Variants in NDUFAF2 observed in about 807,000 individuals in gnomAD.
NDUFAF2 encodes NADH:ubiquinone oxidoreductase complex assembly factor 2.
A neutral mutation model predicts 22.8 loss-of-function variants in NDUFAF2; 13 were observed. The observed-to-expected ratio is 0.57, with a 90% CI of 0.37 to 0.91. The LOEUF is 0.91. Among genes scored for constraint, NDUFAF2 ranks in the 40% least tolerant of loss-of-function variants. The probability of loss-of-function intolerance (pLI) is 0.01; values close to 1 mark genes in which losing one functional copy is unlikely to be tolerated. For synonymous variants in NDUFAF2, 53 were observed against 64.2 expected (o/e 0.83, Z 0.84); for missense variants, 162 against 195.2 (o/e 0.83, Z 1.01).
chr5:61,131,390 T>C (rs990789358), intron 3 of NDUFAF2, among the ~76,000 whole-genome samples: 1 of 152,036 alleles, frequency 6.6e-6, no homozygotes, highest in African/African-American at 2.4e-5. Flanking sequence ...TTATGTTTGT[T>C]GTAGAGACAG....
At chr5:61,027,288 T>C (rs1423811252) in intron 1 of NDUFAF2, among the ~76,000 whole-genome samples, 1 of 149,334 alleles carries the variant, frequency 6.7e-6, no homozygotes, top group Admixed American at 6.8e-5. Flanking sequence ...GCTTAAAAGG[T>C]ACACGTGGAC....
intron 1 of NDUFAF2, among the ~76,000 whole-genome samples, chr5:61,023,449 A>G (rs1030358530): frequency 6.6e-6 from 1 of 151,968 alleles, no homozygotes; most frequent in East Asian, 1.9e-4. Flanking sequence ...TCTCCTCGTG[A>G]TGGTTTCTTC....
intron 2 of NDUFAF2, among the ~76,000 whole-genome samples, chr5:61,086,503 T>A (rs1025898870): frequency 6.6e-6 from 1 of 152,182 alleles, no homozygotes; most frequent in Non-Finnish European, 1.5e-5. Context: ...CACACTTATA[T>A]GGTCAATTGA....
At chr5:61,040,286 A>ACGCGCGCGCGCGCGCGCGCG (rs1323303366) in intron 1 of NDUFAF2, among the ~76,000 whole-genome samples, 4 of 93,092 alleles carry the variant, frequency 4.3e-5, no homozygotes, top group African/African-American at 1.7e-4. Context: ...ACACACACAC[A>ACGCGCGCGCGCGCGCGCGCG]CGCGCGCGCG....
chr5:61,045,761 T>C (rs1751946520), intron 1 of NDUFAF2, among the ~76,000 whole-genome samples: 1 of 152,178 alleles, frequency 6.6e-6, no homozygotes, highest in African/African-American at 2.4e-5. Flanking sequence ...GACCTTGTCA[T>C]CTGTAGAGAC....
chr5:61,003,101 T>C (rs1476927608), intron 1 of NDUFAF2, among the ~76,000 whole-genome samples: 1 of 152,170 alleles, frequency 6.6e-6, no homozygotes, highest in Non-Finnish European at 1.5e-5. Context: ...AATATACTTG[T>C]TAGCATGCTA....
At chr5:60,985,382 G>A (rs905392181) in intron 1 of NDUFAF2, among the ~76,000 whole-genome samples, 1 of 151,870 alleles carries the variant, frequency 6.6e-6, no homozygotes, top group Non-Finnish European at 1.5e-5. Context: ...GCTTTTTTGT[G>A]TCTCTATCTC....
chr5:61,036,791 C>G (rs933513314), intron 1 of NDUFAF2, among the ~76,000 whole-genome samples: 1 of 152,148 alleles, frequency 6.6e-6, no homozygotes. Context: ...TTTGACCTTG[C>G]AAGAAGAGAG....
At chr5:61,139,937 G>A (rs1579851321) in intron 3 of NDUFAF2, among the ~76,000 whole-genome samples, 1 of 152,302 alleles carries the variant, frequency 6.6e-6, no homozygotes, top group East Asian at 1.9e-4. Context: ...TTTCGGATAG[G>A]GGGACCACCC....
At chr5:61,082,319 A>C (rs1330986195) in intron 2 of NDUFAF2, among the ~76,000 whole-genome samples, 1 of 152,110 alleles carries the variant, frequency 6.6e-6, no homozygotes, top group African/African-American at 2.4e-5. Context: ...GCTGGTCTCA[A>C]ACTCCTGGCC....
At chr5:60,980,390 C>T (rs551297013) in intron 1 of NDUFAF2, among the ~76,000 whole-genome samples, 13 of 152,204 alleles carry the variant, frequency 8.5e-5, no homozygotes, top group Non-Finnish European at 1.3e-4. Flanking sequence ...TGAGAAAACC[C>T]AAAGACATGA....
chr5:60,959,098 A>G (rs967395086), intron 1 of NDUFAF2, among the ~76,000 whole-genome samples: 1 of 152,104 alleles, frequency 6.6e-6, no homozygotes, highest in African/African-American at 2.4e-5. Flanking sequence ...ATGAATTAGT[A>G]TGCAGTTAAG....
intron 1 of NDUFAF2, among the ~76,000 whole-genome samples, chr5:60,968,763 A>T (rs1023456651): frequency 6.6e-6 from 1 of 151,990 alleles, no homozygotes; most frequent in Non-Finnish European, 1.5e-5. Flanking sequence ...TATTTTTGAC[A>T]ATTGTCACCC....
At chr5:60,951,227 C>T (rs769160450) in intron 1 of NDUFAF2, among the ~76,000 whole-genome samples, 16 of 152,184 alleles carry the variant, frequency 1.1e-4, no homozygotes, top group South Asian at 4.2e-4. Flanking sequence ...GACAGGGTTT[C>T]GCCATATTGG....
intron 3 of NDUFAF2, chr5:61,116,181 T>C (rs1452068650): frequency 6.6e-6 from 1 of 152,168 alleles, no homozygotes; most frequent in Non-Finnish European, 1.5e-5. Flanking sequence ...CTTATTAGGT[T>C]ATAGTGAAAC....
chr5:60,956,634 T>A (rs1750619427), intron 1 of NDUFAF2, among the ~76,000 whole-genome samples: 1 of 152,170 alleles, frequency 6.6e-6, no homozygotes, highest in African/African-American at 2.4e-5. Flanking sequence ...TTTGTTGATT[T>A]GGTATATCAC....
chr5:61,122,068 A>G (rs1271248301), intron 3 of NDUFAF2, among the ~76,000 whole-genome samples: 1 of 151,808 alleles, frequency 6.6e-6, no homozygotes, highest in African/African-American at 2.4e-5. Flanking sequence ...GGCCTCAAGC[A>G]ATCTACCCAC....
intron 3 of NDUFAF2, among the ~76,000 whole-genome samples, chr5:61,099,963 A>T (rs540649232): frequency 2.0e-5 from 3 of 152,262 alleles, no homozygotes; most frequent in African/African-American, 7.2e-5. Context: ...TTTGCTCCAT[A>T]CATTTGTCAT....
At chr5:61,075,167 T>C (rs1752352118) in intron 2 of NDUFAF2, among the ~76,000 whole-genome samples, 1 of 152,244 alleles carries the variant, frequency 6.6e-6, no homozygotes, top group African/African-American at 2.4e-5. Flanking sequence ...ACCTGGGTTA[T>C]ATAGCTTCAT....
Sources: allele counts gnomAD v4.1 joint callset (sites outside exome capture counted in the v4.1 genomes callset), GRCh38; gene constraint gnomAD v4.1.1; transcripts MANE v1.5; gene names NCBI Gene and HGNC (gene_info 2026-07-23, HGNC 2026-07-21).